Variants in CHFR observed in about 807,000 individuals in gnomAD.
The protein encoded by CHFR is E3 ubiquitin-protein ligase CHFR.
Under a neutral mutation model 87.6 loss-of-function variants are expected in CHFR, and 57 were observed. The observed-to-expected ratio is 0.65, with a 90% CI of 0.53 to 0.81. The LOEUF is 0.81. CHFR is among the 30% of genes least tolerant of loss of function. The probability of loss-of-function intolerance (pLI) is 0.00; values close to 1 mark genes in which losing one functional copy is unlikely to be tolerated. For missense variants in CHFR, 797 were observed against 865.8 expected (o/e 0.92, Z 1.00); for synonymous variants, 381 against 359.2 (o/e 1.06, Z -0.69).
chr12:132,869,609 G>C lies in CHFR; in HGVS notation c.583+10C>G. ...AACCAGCACCAAGACCTCATGAGAT[G>C]TGACCTCACCACAACTGGAGGAACG... is the stretch of plus-strand genomic sequence containing the variant. On this transcript the variant is annotated intron_variant, in intron 6 of 17. Transcript: ENST00000450056. 1.9e-6 allele frequency: 3 copies of C among 1,551,000 alleles called. No individual in the cohort carries two copies. Among genetic ancestry groups the C allele is most frequent in the Non-Finnish European group, 2.6e-6 (3 of 1,146,450 alleles).
At chr12:132,864,430 C>T (rs1302170935) in intron 6 of CHFR, among the ~76,000 whole-genome samples, 1 of 152,196 alleles carries the variant, frequency 6.6e-6, no homozygotes, top group Admixed American at 6.5e-5. Context: ...AGTAACTATA[C>T]TTATTTTGTT....
chr12:132,836,887 A>C lies in CHFR; in HGVS notation c.*4667T>G, dbSNP rs1233663783. Reference sequence around the variant, plus strand: ...TGGGGCCAAACATTTCAGACAAATAAACAACAGTGGGCAGACAGGCAAGAT... The same window carrying C: ...TGGGGCCAAACATTTCAGACAAATACACAACAGTGGGCAGACAGGCAAGAT... On this transcript the variant is annotated 3_prime_UTR_variant, in exon 18 of 18. Transcript: ENST00000450056. The C allele has an allele frequency of 1.0e-5, 4 of 397,568 alleles. No individual in the cohort carries two copies. Among genetic ancestry groups the C allele is most frequent in the Admixed American group, 8.9e-5 (3 of 33,564 alleles). The allele number at this position is 397,568 out of a possible 1,614,324, so 24.6% of individuals were successfully genotyped here.
intron 2 of CHFR, 55 bp downstream of exon 2, chr12:132,887,141 G>A: frequency 7.1e-7 from 1 of 1,398,780 alleles, no homozygotes; most frequent in Non-Finnish European, 9.3e-7. Flanking sequence ...TGGCCTGCCC[G>A]CAACCCGGTG....
intron 6 of CHFR, among the ~76,000 whole-genome samples, chr12:132,865,440 C>T (rs1566192302): frequency 6.6e-6 from 1 of 151,450 alleles, no homozygotes; most frequent in South Asian, 2.1e-4. Flanking sequence ...CTGCAACCTC[C>T]GCCTCCCAGC....
rs1950624219 is a variant in CHFR, at chr12:132,832,435, ATGTAT to A, written c.*9114_*9118del. 6.6e-6 allele frequency: 1 copy of A among 152,180 alleles called. No individual in the cohort carries two copies. The highest frequency in any genetic ancestry group is 1.5e-5 in the Non-Finnish European group (1 of 68,026). 9.4% of individuals were successfully genotyped at this position (152,180 alleles called of 1,614,324 possible). The stretch of plus-strand genomic sequence containing the variant: ...AGGAGGGTGAATATAGTTAATAATA[ATGTAT>A]TGTATATTTTTAAATAACAAAAAGA... On this transcript the variant is annotated 3_prime_UTR_variant, in exon 18 of 18. Coordinates refer to ENST00000450056, the MANE Select transcript of CHFR (RefSeq NM_001161346.2).
At position 132,859,203 on chromosome 12, in the gene CHFR, T is replaced by A. The variant is rs1311480210; in HGVS notation, c.776A>T (p.Gln259Leu). The part of the protein sequence containing the change: ...RGDGDLDLNG[Q>L]LLVAQPRRNA... ...TCTACGCGGTTGTGCGACCAACAAC[T>A]GCCCGTTCAGGTCAAGGTCCCCATC... is the stretch of plus-strand genomic sequence containing the variant. The change falls in exon 8 of 18, where the codon CAG becomes CTG. Residue 259 changes from glutamine to leucine, a missense_variant. Transcript: ENST00000450056. 1.2e-6 allele frequency: 2 copies of A among 1,613,672 alleles called. No homozygotes were observed. Among genetic ancestry groups the A allele is most frequent in the Admixed American group, 3.3e-5 (2 of 59,958 alleles).
intron 6 of CHFR, 163 bp from the exon 7 acceptor site, chr12:132,861,797 C>T (rs1951215884): frequency 1.6e-6 from 1 of 614,192 alleles, no homozygotes; most frequent in Non-Finnish European, 2.8e-6. Flanking sequence ...ACTCAACTCA[C>T]ATCTTAACTC....
chr12:132,879,297 C>T (rs7957697), intron 2 of CHFR, among the ~76,000 whole-genome samples: 1 of 151,024 alleles, frequency 6.6e-6, no homozygotes, highest in Admixed American at 6.6e-5. Flanking sequence ...ACCTGGCCTG[C>T]GATAGGCATT....
intron 11 of CHFR, 127 bp from the exon 12 acceptor site, chr12:132,851,864 G>A (rs1452229667): frequency 4.3e-6 from 5 of 1,170,208 alleles, no homozygotes; most frequent in Non-Finnish European, 5.8e-6. Context: ...AAGCAGACCT[G>A]CCCTGCTAAA....
At chr12:132,868,560 G>A (rs541119748) in intron 6 of CHFR, among the ~76,000 whole-genome samples, 1 of 151,916 alleles carries the variant, frequency 6.6e-6, no homozygotes, top group Non-Finnish European at 1.5e-5. Flanking sequence ...GGCACCTGTA[G>A]TCCCAGCTAC....
chr12:132,868,846 T>G (rs1361787080), intron 6 of CHFR, among the ~76,000 whole-genome samples: 16 of 50,018 alleles, frequency 3.2e-4, no homozygotes, highest in African/African-American at 1.3e-3. Flanking sequence ...TGACTGCTGG[T>G]GGGGCCGAGG....
intron 2 of CHFR, among the ~76,000 whole-genome samples, chr12:132,884,083 G>A (rs549612143): frequency 1.3e-5 from 2 of 152,290 alleles, no homozygotes; most frequent in East Asian, 3.9e-4. Flanking sequence ...TCGCACCACT[G>A]CACTCCAGCC....
At chr12:132,847,482 G>T (rs1391618331) in intron 14 of CHFR, 2 of 1,106,252 alleles carry the variant, frequency 1.8e-6, no homozygotes. Context: ...CTGAGGACTT[G>T]GCATCTGTTC....
rs1356919481 is a variant in CHFR at position 132,844,101 on chromosome 12, T to C, written c.1769A>G (p.Tyr590Cys). 6.2e-7 allele frequency: 1 copy of C among 1,613,504 alleles called. No homozygotes were observed. The highest frequency in any genetic ancestry group is 8.5e-7 in the Non-Finnish European group (1 of 1,179,636). Residue 590 changes from tyrosine (Y) to cysteine (C), a missense_variant, in exon 16 of 18, where the codon TAC becomes TGC. By Grantham distance (194) the Tyr-to-Cys change is radical (BLOSUM62 -2). This residue lies in a region of CHFR where 200 missense variants were observed against 264.6 expected (regional missense o/e 0.76). Coordinates refer to ENST00000450056, the MANE Select transcript of CHFR (RefSeq NM_001161346.2). ...ACGGAAGCTGCGCAGGCCACAGCAGTAACACAGAACGGTGTCTCCCGTGAC... is the reference window on the plus strand; with the variant it reads ...ACGGAAGCTGCGCAGGCCACAGCAGCAACACAGAACGGTGTCTCCCGTGAC... ...YRVTGDTVLC[Y>C]CCGLRSFREL...
rs781249933 is a variant in CHFR at position 132,848,730 on chromosome 12, G to A, written c.1493-6C>T. On this transcript the variant is annotated splice_region_variant and splice_polypyrimidine_tract_variant and intron_variant, in intron 12 of 17. Transcript: ENST00000450056. ...AGGCTGCAGGCAGACCGCACCTGTG[G>A]AGAGAGGACACTCGTTACACGCACT... The A allele has an allele frequency of 1.9e-5, 30 of 1,576,178 alleles. No homozygotes were observed. The highest frequency in any genetic ancestry group is 2.3e-5 in the South Asian group (2 of 85,832).
At position 132,851,760 on chromosome 12, in the gene CHFR, C is replaced by A. The variant is rs756061068; in HGVS notation, c.1373-23G>T. The A allele has an allele frequency of 5.0e-6, 8 of 1,600,262 alleles. No individual in the cohort carries two copies. The East Asian group carries it at 1.8e-4, about 36-fold the overall frequency. ...CTGCTGAAGCACACGCACATTCAGCCGGAGCACGTGGGACCCAGGGCAGAA... is the reference window on the plus strand; with the variant it reads ...CTGCTGAAGCACACGCACATTCAGCAGGAGCACGTGGGACCCAGGGCAGAA... On this transcript the variant is annotated intron_variant, in intron 11 of 17. Transcript: ENST00000450056.
chr12:132,832,885 A>C lies in CHFR; in HGVS notation c.*8669T>G, dbSNP rs1376437491. On this transcript the variant is annotated 3_prime_UTR_variant, in exon 18 of 18. Coordinates refer to ENST00000450056, the MANE Select transcript of CHFR (RefSeq NM_001161346.2). ...CGGATACTTCCGTTACCTCAGAAGG[A>C]TCCTTCTTGCATTCACTCCCTATCC... The C allele has an allele frequency of 6.6e-6, 1 of 152,308 alleles. No homozygotes were observed. The highest frequency in any genetic ancestry group is 2.1e-4 in the South Asian group (1 of 4,830). The allele number at this position is 152,308 out of a possible 1,614,324, so 9.4% of individuals were successfully genotyped here. A position where few individuals can be genotyped will look rare whatever the true frequency, so the allele number is the denominator to read the frequency against.
intron 3 of CHFR, among the ~76,000 whole-genome samples, chr12:132,872,712 C>T (rs1951519833): frequency 6.6e-6 from 1 of 152,206 alleles, no homozygotes; most frequent in Non-Finnish European, 1.5e-5. Flanking sequence ...CAGTGTGGTG[C>T]TTCCACCTCC....
At chr12:132,847,197 A>G in intron 14 of CHFR, 67 bp from the exon 15 acceptor site, 2 of 1,598,580 alleles carry the variant, frequency 1.3e-6, no homozygotes, top group Non-Finnish European at 1.7e-6. Flanking sequence ...AAATAACGAG[A>G]GAAAACATTT....
Sources: allele counts gnomAD v4.1 joint callset (sites outside exome capture counted in the v4.1 genomes callset), GRCh38; gene constraint gnomAD v4.1.1; regional missense constraint gnomAD v4.1.1; transcripts MANE v1.5; gene names NCBI Gene and HGNC (gene_info 2026-07-23, HGNC 2026-07-21).